The following RHOBTB2 variants were observed in gnomAD, a reference collection of about 807,000 sequenced individuals.
RHOBTB2 encodes the protein Rho related BTB domain containing 2, also known as rho-related BTB domain-containing protein 2.
RHOBTB2 carries 39 observed loss-of-function variants against 66.5 expected under a neutral mutation model. The observed-to-expected ratio is 0.59, with a 90% CI of 0.45 to 0.77. The LOEUF is 0.77. Among genes scored for constraint, RHOBTB2 ranks in the 30% least tolerant of loss-of-function variants. The probability of loss-of-function intolerance (pLI) is 0.00; values close to 1 mark genes in which losing one functional copy is unlikely to be tolerated. For synonymous variants in RHOBTB2, 390 were observed against 395.0 expected, an observed-to-expected ratio of 0.99 and a Z score of 0.15; for missense variants, 755 against 999.1, an observed-to-expected ratio of 0.76 and a Z score of 3.29.
intron 1 of RHOBTB2, chr8:22,991,990 T>C (rs1810437720): frequency 6.6e-6 from 1 of 152,288 alleles, no homozygotes; most frequent in African/African-American, 2.4e-5. Flanking sequence ...ACAGCCTAAT[T>C]GAAACCAGCC....
At chr8:22,973,132 C>T in the RHOBTB2 span, among the ~76,000 whole-genome samples, 27 of 152,194 alleles carry the variant, frequency 1.8e-4, no homozygotes, top group African/African-American at 6.5e-4. Flanking sequence ...AAGACAGTGC[C>T]CCTCTAGGGG....
intron 7 of RHOBTB2, among the ~76,000 whole-genome samples, chr8:23,013,459 A>G (rs1811203960): frequency 6.6e-6 from 1 of 151,908 alleles, no homozygotes; most frequent in Non-Finnish European, 1.5e-5. Flanking sequence ...AGTGTGTGTC[A>G]TTAAACACTA....
chr8:22,991,518 C>G (rs995934790), intron 1 of RHOBTB2, among the ~76,000 whole-genome samples: 1 of 152,072 alleles, frequency 6.6e-6, no homozygotes, highest in Non-Finnish European at 1.5e-5. Context: ...AACACAGAGC[C>G]CTGGACAGTT....
chr8:22,964,459 T>A, the RHOBTB2 span, among the ~76,000 whole-genome samples: 1 of 152,078 alleles, frequency 6.6e-6, no homozygotes, highest in Admixed American at 6.6e-5. Flanking sequence ...TGCAAAAAAA[T>A]AAGACCATTT....
chr8:22,994,754 C>G, upstream of RHOBTB2: 1 of 744,634 alleles, frequency 1.3e-6, no homozygotes, highest in Admixed American at 2.5e-5. Context: ...AGCACTAGAC[C>G]AACATAAAAA....
At chr8:23,002,675 C>T (rs577804363) in intron 1 of RHOBTB2, among the ~76,000 whole-genome samples, 35 of 152,138 alleles carry the variant, frequency 2.3e-4, no homozygotes, top group African/African-American at 5.8e-4. Context: ...GGGTGTCAAG[C>T]GCAAAACTCC....
intron 1 of RHOBTB2, among the ~76,000 whole-genome samples, chr8:23,003,118 C>A (rs1810834412): frequency 1.3e-5 from 2 of 152,156 alleles, no homozygotes; most frequent in Non-Finnish European, 2.9e-5. Flanking sequence ...CTGCTAAAGC[C>A]CCCCCAGACG....
chr8:22,994,595 G>A, upstream of RHOBTB2: 1 of 1,551,602 alleles, frequency 6.4e-7, no homozygotes, highest in African/African-American at 1.4e-5. Context: ...TGCAAGCCTG[G>A]AGAAAAGGCC....
the RHOBTB2 span, among the ~76,000 whole-genome samples, chr8:22,963,750 G>A: frequency 6.6e-6 from 1 of 151,560 alleles, no homozygotes; most frequent in African/African-American, 2.4e-5. Context: ...GGTTGTGCAG[G>A]GACACTCTTA....
At chr8:22,983,905 T>C (rs1450978708), upstream of RHOBTB2, among the ~76,000 whole-genome samples, 2 of 152,132 alleles carry the variant, frequency 1.3e-5, no homozygotes, top group African/African-American at 4.8e-5. Flanking sequence ...CAGCTAATTT[T>C]TGTATTTTTT....
chr8:23,007,823 G>T, intron 5 of RHOBTB2, 77 bp downstream of exon 5: 2 of 1,540,350 alleles, frequency 1.3e-6, no homozygotes, highest in South Asian at 1.1e-5. Context: ...AGCTCCTGGT[G>T]TCCTGGAGCT....
rs752936468 is a variant in RHOBTB2 at position 23,019,296 on chromosome 8, C to T, written c.*1827C>T. The T allele has an allele frequency of 6.6e-6, 1 of 152,514 alleles. No individual in the cohort carries two copies. Among genetic ancestry groups the T allele is most frequent in the Non-Finnish European group, 1.5e-5 (1 of 68,312 alleles). 9.4% of individuals were successfully genotyped at this position (152,514 alleles called of 1,614,324 possible). ...CCAGGCGGCTGGAGGACAAGCGGCTCTAACCCTGGGGGCGGCCATGTTGTC... is the reference window on the plus strand; with the variant it reads ...CCAGGCGGCTGGAGGACAAGCGGCTTTAACCCTGGGGGCGGCCATGTTGTC... On this transcript the variant is annotated 3_prime_UTR_variant, in exon 10 of 10. Transcript: ENST00000251822.
At chr8:22,995,932 G>A (rs756465524), upstream of RHOBTB2, 3 of 1,528,536 alleles carry the variant, frequency 2.0e-6, no homozygotes, top group South Asian at 3.6e-5. Context: ...TGAAGCAAAG[G>A]GAAGGTGCAG....
intron 1 of RHOBTB2, among the ~76,000 whole-genome samples, chr8:22,990,575 C>T (rs1810400980): frequency 2.0e-5 from 3 of 152,214 alleles, no homozygotes; most frequent in Admixed American, 6.5e-5. Flanking sequence ...GCAGCCCAGG[C>T]TCCCAGGGGG....
At chr8:22,963,172 A>T in the RHOBTB2 span, among the ~76,000 whole-genome samples, 1 of 152,214 alleles carries the variant, frequency 6.6e-6, no homozygotes, top group Non-Finnish European at 1.5e-5. Context: ...TGCTAGAAAG[A>T]TGAGAAAGCC....
At chr8:23,011,768 G>A (rs1178117263) in intron 7 of RHOBTB2, among the ~76,000 whole-genome samples, 7 of 152,194 alleles carry the variant, frequency 4.6e-5, no homozygotes, top group South Asian at 2.1e-4. Context: ...TGTTGATGCC[G>A]AGGTTAATAT....
upstream of RHOBTB2, among the ~76,000 whole-genome samples, chr8:22,996,552 TG>T (rs1810569847): frequency 1.4e-5 from 2 of 138,836 alleles, no homozygotes; most frequent in South Asian, 2.2e-4. Flanking sequence ...TGTGTGTGTG[TG>T]TGTGTGTGTG....
At chr8:22,963,589 A>G in the RHOBTB2 span, among the ~76,000 whole-genome samples, 3 of 152,248 alleles carry the variant, frequency 2.0e-5, no homozygotes, top group Non-Finnish European at 4.4e-5. Context: ...CCGCTGATAA[A>G]GACATACCCA....
At chr8:22,964,242 T>C in the RHOBTB2 span, among the ~76,000 whole-genome samples, 3 of 152,084 alleles carry the variant, frequency 2.0e-5, no homozygotes, top group African/African-American at 7.2e-5. Flanking sequence ...CACGTGGGAA[T>C]TGTGGGAGTT....
Sources: gnomAD v4.1 joint callset for allele counts (sites outside exome capture counted in the v4.1 genomes callset) on GRCh38, gnomAD v4.1.1 for gene constraint, MANE v1.5 for transcripts, NCBI Gene and HGNC (gene_info 2026-07-23, HGNC 2026-07-21) for gene names.